DNM3: variants seen among roughly 807,000 people sequenced by gnomAD.
DNM3 encodes dynamin 3, also known as dynamin-3.
A neutral mutation model predicts 101.6 loss-of-function variants in DNM3; 47 were observed. The observed-to-expected ratio is 0.46, with a 90% confidence interval of 0.37 to 0.59. The LOEUF is 0.59. Among genes scored for constraint, DNM3 ranks in the 20% least tolerant of loss-of-function variants. The pLI is 0.00. For missense variants in DNM3, 849 were observed against 1,085.7 expected, an observed-to-expected ratio of 0.78 and a Z score of 3.06; for synonymous variants, 385 against 387.9, an observed-to-expected ratio of 0.99 and a Z score of 0.09.
At chr1:172,072,829 G>T (rs923208034) in intron 11 of DNM3, among the ~76,000 whole-genome samples, 2 of 152,218 alleles carry the variant, frequency 1.3e-5, no homozygotes, top group African/African-American at 4.8e-5. Flanking sequence ...GGAGGTTGCA[G>T]TGAGCTGAGA....
At chr1:172,128,518 A>C (rs1452311064) in intron 13 of DNM3, among the ~76,000 whole-genome samples, 1 of 150,800 alleles carries the variant, frequency 6.6e-6, no homozygotes, top group Non-Finnish European at 1.5e-5. Flanking sequence ...ATTAAAAAAC[A>C]AAAGGAAACA....
At chr1:172,066,967 TG>T (rs1184781801) in intron 10 of DNM3, among the ~76,000 whole-genome samples, 2 of 151,862 alleles carry the variant, frequency 1.3e-5, no homozygotes, top group Non-Finnish European at 2.9e-5. Flanking sequence ...TGTGTGTGTG[TG>T]TGTGTGTTTG....
At chr1:172,066,089 C>CCA (rs1262239362) in intron 10 of DNM3, among the ~76,000 whole-genome samples, 3 of 152,050 alleles carry the variant, frequency 2.0e-5, no homozygotes, top group African/African-American at 7.2e-5. Context: ...GATCTAACTC[C>CCA]TTATGAGTTT....
In DNM3 at chr1:172,253,673, C is replaced by T. The variant is rs868104229; in HGVS notation, c.1760C>T (p.Thr587Ile). The T allele has an allele frequency of 1.3e-6, 2 of 1,572,018 alleles. No individual in the cohort carries two copies. The highest frequency in any genetic ancestry group is 1.2e-5 in the South Asian group (1 of 84,828). ...SSKHIFALFNTEQRNVYKDYR... is the reference protein window; with the variant it reads ...SSKHIFALFNIEQRNVYKDYR... ...AAGCACATCTTTGCACTCTTTAATA[C>T]AGAGCAAAGGTAAGAAATTGAAACA... is the stretch of plus-strand genomic sequence containing the variant. Residue 587 changes from threonine to isoleucine, a missense_variant, in exon 15 of 21, where the codon ACA becomes ATA. Around this residue, in one of 5 missense-constraint regions of DNM3, gnomAD observed 193 missense variants for 238.4 expected, o/e 0.81. Coordinates refer to ENST00000627582, the MANE Select transcript of DNM3 (RefSeq NM_015569.5).
At chr1:172,347,403 G>A (rs1385956779) in intron 17 of DNM3, among the ~76,000 whole-genome samples, 2 of 152,032 alleles carry the variant, frequency 1.3e-5, no homozygotes, top group Admixed American at 1.3e-4. Context: ...CAATTTTGGA[G>A]TTACTAGGTA....
chr1:171,879,308 T>C (rs1385481848), intron 1 of DNM3, among the ~76,000 whole-genome samples: 1 of 152,222 alleles, frequency 6.6e-6, no homozygotes, highest in Non-Finnish European at 1.5e-5. Flanking sequence ...TGAGTAGCTA[T>C]GTTTTAAAAG....
At chr1:172,255,164 C>T (rs1253497496) in intron 15 of DNM3, among the ~76,000 whole-genome samples, 3 of 152,090 alleles carry the variant, frequency 2.0e-5, no homozygotes. Context: ...AAATTAAGTA[C>T]AACTAACTCC....
chr1:172,053,055 A>C (rs1460525406), intron 10 of DNM3, among the ~76,000 whole-genome samples: 1 of 152,162 alleles, frequency 6.6e-6, no homozygotes, highest in African/African-American at 2.4e-5. Flanking sequence ...TTTTTCTAAA[A>C]TACAGCTATG....
intron 1 of DNM3, among the ~76,000 whole-genome samples, chr1:171,851,902 T>A (rs2033022864): frequency 6.6e-6 from 1 of 152,268 alleles, no homozygotes; most frequent in South Asian, 2.1e-4. Flanking sequence ...GTAAAATGTA[T>A]TTCTTACTAT....
intron 14 of DNM3, among the ~76,000 whole-genome samples, chr1:172,135,311 T>C (rs2148111379): frequency 6.6e-6 from 1 of 152,216 alleles, no homozygotes; most frequent in Non-Finnish European, 1.5e-5. Flanking sequence ...TAAATATTGA[T>C]TGAATGAAGG....
At chr1:172,050,928 A>G (rs971849412) in intron 10 of DNM3, among the ~76,000 whole-genome samples, 1 of 152,148 alleles carries the variant, frequency 6.6e-6, no homozygotes, top group Non-Finnish European at 1.5e-5. Flanking sequence ...TGGAAAGCCA[A>G]CAGTCAGTTC....
rs528004000 is a variant in DNM3 at position 171,951,233 on chromosome 1, C to T, written c.235+29412C>T. ...ACTGACATTCCCTCCTGTTCTTTTA[C>T]CTAAGACATGATGATTACTTTGATA... On this transcript the variant is annotated intron_variant, in intron 2 of 20. Transcript: ENST00000627582. 3.9e-5 allele frequency among the ~76,000 whole-genome samples: 6 copies of T among 152,190 alleles called. No individual in the cohort carries two copies. In the South Asian group the frequency reaches 8.3e-4, roughly 21 times the overall value.
intron 14 of DNM3, among the ~76,000 whole-genome samples, chr1:172,213,352 G>A (rs2060576174): frequency 6.6e-6 from 1 of 151,938 alleles, no homozygotes; most frequent in South Asian, 2.1e-4. Flanking sequence ...GTTAGAAGAG[G>A]GCACAAGGGG....
At chr1:172,210,867 T>C (rs945310470) in intron 14 of DNM3, among the ~76,000 whole-genome samples, 1 of 152,080 alleles carries the variant, frequency 6.6e-6, no homozygotes, top group Non-Finnish European at 1.5e-5. Context: ...TTCCTAGCGA[T>C]AGCAAAAGCC....
chr1:172,054,285 T>A (rs906016177), intron 10 of DNM3, among the ~76,000 whole-genome samples: 8 of 152,200 alleles, frequency 5.3e-5, no homozygotes, highest in African/African-American at 1.9e-4. Context: ...GGAAATGCAT[T>A]TCTTCCCAGA....
intron 17 of DNM3, among the ~76,000 whole-genome samples, chr1:172,373,790 A>G (rs2068471298): frequency 6.6e-6 from 1 of 152,094 alleles, no homozygotes; most frequent in Non-Finnish European, 1.5e-5. Context: ...AAAGAAAAAA[A>G]ACTCCAGACC....
At chr1:171,848,514 A>G (rs1194107555) in intron 1 of DNM3, among the ~76,000 whole-genome samples, 2 of 152,222 alleles carry the variant, frequency 1.3e-5, no homozygotes, top group Non-Finnish European at 1.5e-5. Context: ...CTAGAAAGAT[A>G]TGCCTGAGAT....
At chr1:172,333,632 G>A (rs1206251703) in intron 17 of DNM3, among the ~76,000 whole-genome samples, 2 of 151,352 alleles carry the variant, frequency 1.3e-5, no homozygotes, top group Non-Finnish European at 2.9e-5. Context: ...TTAATCCAGA[G>A]GTAAAAAGGA....
intron 1 of DNM3, among the ~76,000 whole-genome samples, chr1:171,901,129 AAAG>A (rs1361521720): frequency 1.3e-4 from 19 of 146,874 alleles, no homozygotes; most frequent in South Asian, 2.1e-4. Flanking sequence ...AAAAAAAAAA[AAAG>A]AAAGAAATCT....
Sources: allele counts gnomAD v4.1 joint callset (sites outside exome capture counted in the v4.1 genomes callset), GRCh38; gene constraint gnomAD v4.1.1; regional missense constraint gnomAD v4.1.1; transcripts MANE v1.5; gene names NCBI Gene and HGNC (gene_info 2026-07-23, HGNC 2026-07-21).